Variants in VPS53 observed in about 807,000 individuals in gnomAD.
The protein encoded by VPS53 is VPS53 subunit of GARP complex, also known as vacuolar protein sorting-associated protein 53 homolog.
Under a neutral mutation model 107.0 loss-of-function variants are expected in VPS53, and 70 were observed. The ratio of observed to expected loss-of-function variants is 0.65; its 90% CI spans 0.54 to 0.80. VPS53 has a LOEUF of 0.80. Among genes scored for constraint, VPS53 ranks in the 30% least tolerant of loss-of-function variants. The pLI is 0.00. For synonymous variants in VPS53, 409 were observed against 393.3 expected (o/e 1.04, Z -0.47); for missense variants, 917 against 1,049.4 (o/e 0.87, Z 1.74).
chr17:546,869 CCTTT>C (rs796341599), intron 17 of VPS53, among the ~76,000 whole-genome samples: 7 of 116,624 alleles, frequency 6.0e-5, no homozygotes, highest in Non-Finnish European at 5.0e-5. Flanking sequence ...TCCCTTAGAT[CCTTT>C]TTTTTTTTTT....
intron 7 of VPS53, among the ~76,000 whole-genome samples, chr17:640,569 C>A (rs1002937959): frequency 6.6e-6 from 1 of 152,060 alleles, no homozygotes; most frequent in Non-Finnish European, 1.5e-5. Context: ...TCTTCATTTT[C>A]AAAGTCACCT....
rs914272561 is a variant in VPS53, at chr17:662,280, G to C, written c.286-385C>G. Among the ~76,000 whole-genome samples, 3 of 152,182 alleles carry C rather than the reference G, an allele frequency of 2.0e-5. No homozygotes were observed. In the East Asian group the frequency reaches 5.8e-4, roughly 29 times the overall value. On this transcript the variant is annotated intron_variant, in intron 4 of 21. Coordinates refer to ENST00000437048, the MANE Select transcript of VPS53 (RefSeq NM_001128159.3). ...GGGGCAAGGGAAAGCTCTGGACTTG[G>C]AAGTTCCAGATTGTGCATTCAAAAA... is the stretch of plus-strand genomic sequence containing the variant.
In VPS53 at chr17:537,063, G is replaced by A. The variant is rs1255742246; in HGVS notation, c.1980C>T (p.Arg660=). The A allele has an allele frequency of 5.0e-6, 8 of 1,614,096 alleles. No homozygotes were observed. The highest frequency in any genetic ancestry group is 5.9e-6 in the Non-Finnish European group (7 of 1,180,048). ...PIIRDNLAST[R]KYFTQFCVKF... Reference sequence around the variant, plus strand: ...TAACGCAGAACTGAGTGAAGTACTTGCGTGTGGAAGCCAGGTTGTCACGGA... The same window carrying A: ...TAACGCAGAACTGAGTGAAGTACTTACGTGTGGAAGCCAGGTTGTCACGGA... Residue 660 remains arginine, a synonymous_variant, in exon 18 of 22, where the codon CGC becomes CGT. Coordinates refer to ENST00000437048, the MANE Select transcript of VPS53 (RefSeq NM_001128159.3).
At position 513,659 on chromosome 17, in the gene VPS53, TTCC is replaced by T; in HGVS notation, c.*5466_*5468del. 4 of 143,978 alleles carry T rather than the reference TTCC, an allele frequency of 2.8e-5. No homozygotes were observed. The highest frequency in any genetic ancestry group is 1.4e-4 in the Admixed American group (2 of 14,560). 8.9% of individuals were successfully genotyped at this position (143,978 alleles called of 1,614,324 possible). A position where few individuals can be genotyped will look rare whatever the true frequency, so the allele number is the denominator to read the frequency against. On this transcript the variant is annotated 3_prime_UTR_variant, in exon 22 of 22. Transcript: ENST00000437048. ...TTCCAGCAGGTTATTCCGAGTGCTCTTCCTAGCGAAGGAATCCCATTTCCAGCA... is the reference window on the plus strand; with the variant it reads ...TTCCAGCAGGTTATTCCGAGTGCTCTTAGCGAAGGAATCCCATTTCCAGCA...
chr17:562,660 C>A lies in VPS53; in HGVS notation c.1399G>T (p.Val467Leu). The A allele has an allele frequency of 3.7e-6, 6 of 1,613,564 alleles. No homozygotes were observed. The highest frequency in any genetic ancestry group is 5.1e-6 in the Non-Finnish European group (6 of 1,179,938). Reference sequence around the variant, plus strand: ...AAGAGGTCGGCGCAGCTGGGGAGCACGGCACCCCCTTCATCAGTGTTGGGC... The same window carrying A: ...AAGAGGTCGGCGCAGCTGGGGAGCAAGGCACCCCCTTCATCAGTGTTGGGC... ...PKPNTDEGGA[V>L]LPSCADLFVY... The change falls in exon 14 of 22, where the codon GTG (valine) becomes TTG (leucine). Residue 467 changes from valine (V) to leucine (L), a missense_variant. Val to Leu is a conservative substitution (Grantham distance 32, BLOSUM62 1). Transcript: ENST00000437048.
intron 11 of VPS53, among the ~76,000 whole-genome samples, chr17:602,957 C>T (rs188710729): frequency 2.6e-5 from 4 of 152,192 alleles, no homozygotes; most frequent in African/African-American, 7.2e-5. Context: ...TCTCTGGAGA[C>T]GAGAAGTTAA....
intron 1 of VPS53, chr17:714,230 G>T (rs1173423964): frequency 4.6e-6 from 1 of 216,652 alleles, no homozygotes; most frequent in Admixed American, 5.4e-5. Flanking sequence ...CCTTCCCCCA[G>T]TTCCAAGCCA....
intron 12 of VPS53, among the ~76,000 whole-genome samples, chr17:598,886 T>A (rs1293982484): frequency 1.2e-3 from 1 of 806 alleles, no homozygotes; most frequent in Non-Finnish European, 2.2e-3. Flanking sequence ...GTCAGCCCCA[T>A]GCCCGGCCAG....
chr17:707,421 G>C (rs1466762127), intron 2 of VPS53, among the ~76,000 whole-genome samples: 1 of 150,820 alleles, frequency 6.6e-6, no homozygotes, highest in Non-Finnish European at 1.5e-5. Flanking sequence ...TCAGGAGGCT[G>C]ACACAGGAGA....
intron 11 of VPS53, among the ~76,000 whole-genome samples, chr17:619,449 G>A (rs1255744248): frequency 7.0e-6 from 1 of 143,576 alleles, no homozygotes; most frequent in Admixed American, 7.0e-5. Flanking sequence ...TATTTTCCGG[G>A]TAGCTGGGAC....
Position 671,939 on chromosome 17 carries a change from G to T in VPS53, c.286-10044C>A, listed in dbSNP as rs1370391397. ...CCTGACCTCATGACCCGCTTACCTC[G>T]GCCTCCCAACATGCTGGGATTACAG... On this transcript the variant is annotated intron_variant, in intron 4 of 21. Transcript: ENST00000437048. 2.6e-5 allele frequency among the ~76,000 whole-genome samples: 4 copies of T among 152,004 alleles called. 1 individual carries two copies. The South Asian group carries it at 8.3e-4, about 32-fold the overall frequency.
At chr17:644,056 C>A (rs1040184298) in intron 7 of VPS53, among the ~76,000 whole-genome samples, 5 of 152,180 alleles carry the variant, frequency 3.3e-5, no homozygotes, top group African/African-American at 1.2e-4. Flanking sequence ...CTCTTCCATT[C>A]TTCATTGGGA....
At chr17:671,619 G>T (rs189026697) in intron 4 of VPS53, among the ~76,000 whole-genome samples, 1 of 152,022 alleles carries the variant, frequency 6.6e-6, no homozygotes, top group Non-Finnish European at 1.5e-5. Flanking sequence ...CTTCCCCTCC[G>T]CATGCGAAAT....
Position 511,800 on chromosome 17 carries a change from A to G in VPS53, c.*7328T>C. 6.6e-6 allele frequency: 1 copy of G among 152,402 alleles called. No individual in the cohort carries two copies. The highest frequency in any genetic ancestry group is 1.5e-5 in the Non-Finnish European group (1 of 68,056). 9.4% of individuals were successfully genotyped at this position (152,402 alleles called of 1,614,324 possible). ...ATAAGTAAAAGGAAAAAAAAGAAAAAGAAAGGCAGGCAAGAATTTTTGTCC... is the reference window on the plus strand; with the variant it reads ...ATAAGTAAAAGGAAAAAAAAGAAAAGGAAAGGCAGGCAAGAATTTTTGTCC... On this transcript the variant is annotated 3_prime_UTR_variant, in exon 22 of 22. Coordinates refer to ENST00000437048, the MANE Select transcript of VPS53 (RefSeq NM_001128159.3).
rs970689477 is a variant in VPS53, at chr17:521,744, GAGCAA to G, written c.2086-11_2086-7del. ...GAGTGGGTGTCCAGCAGCAGCTGTGGAGCAAAGCAGAGAGCATTACCGGCCCCTTC... is the reference window on the plus strand; with the variant it reads ...GAGTGGGTGTCCAGCAGCAGCTGTGGAGCAGAGAGCATTACCGGCCCCTTC... On this transcript the variant is annotated splice_polypyrimidine_tract_variant and splice_region_variant and intron_variant, in intron 19 of 21. Coordinates refer to ENST00000437048, the MANE Select transcript of VPS53 (RefSeq NM_001128159.3). 3.3e-6 allele frequency: 5 copies of G among 1,537,424 alleles called. No homozygotes were observed. In the African/African-American group the frequency reaches 6.9e-5, roughly 21 times the overall value.
chr17:535,862 G>GC (rs1910018814), intron 18 of VPS53, among the ~76,000 whole-genome samples: 1 of 152,178 alleles, frequency 6.6e-6, no homozygotes, highest in Non-Finnish European at 1.5e-5. Context: ...TGTTAGTCCT[G>GC]AGGGGTTCAT....
chr17:708,744 A>C (rs559446405), intron 2 of VPS53, among the ~76,000 whole-genome samples: 6 of 152,152 alleles, frequency 3.9e-5, no homozygotes, highest in African/African-American at 1.4e-4. Flanking sequence ...AGAGGTTCTC[A>C]CTGTTGTCTT....
intron 13 of VPS53, among the ~76,000 whole-genome samples, chr17:563,120 C>G (rs1293714783): frequency 6.6e-6 from 1 of 152,088 alleles, no homozygotes; most frequent in Non-Finnish European, 1.5e-5. Context: ...CAGAGCTGAG[C>G]CTAGACTCCA....
At chr17:633,564 T>TC (rs1375832015) in intron 7 of VPS53, among the ~76,000 whole-genome samples, 16 of 152,228 alleles carry the variant, frequency 1.1e-4, no homozygotes, top group African/African-American at 3.9e-4. Flanking sequence ...ATCTGTTTTT[T>TC]CCGTGGCGTG....
Sources: gnomAD v4.1 joint callset for allele counts (sites outside exome capture counted in the v4.1 genomes callset) on GRCh38, gnomAD v4.1.1 for gene constraint, MANE v1.5 for transcripts, NCBI Gene and HGNC (gene_info 2026-07-23, HGNC 2026-07-21) for gene names.